The following WDR7 variants were observed in gnomAD, a reference collection of about 807,000 sequenced individuals.
WDR7 encodes WD repeat domain 7, also known as WD repeat-containing protein 7.
Under a neutral mutation model 169.4 loss-of-function variants are expected in WDR7, and 46 were observed. The observed-to-expected ratio is 0.27, with a 90% CI of 0.21 to 0.35. The LOEUF (loss-of-function observed/expected upper bound fraction) is 0.35, where lower values mean the gene tolerates loss of function less well. Among genes scored for constraint, WDR7 ranks in the 10% least tolerant of loss-of-function variants. The probability of loss-of-function intolerance (pLI) is 1.00; values close to 1 mark genes in which losing one functional copy is unlikely to be tolerated. For missense variants in WDR7, 1,534 were observed against 1,859.3 expected, an observed-to-expected ratio of 0.83 and a Z score of 3.22; for synonymous variants, 612 against 666.8, an observed-to-expected ratio of 0.92 and a Z score of 1.27.
At chr18:56,739,396 A>C (rs968304253) in intron 14 of WDR7, among the ~76,000 whole-genome samples, 9 of 152,118 alleles carry the variant, frequency 5.9e-5, no homozygotes, top group Non-Finnish European at 2.9e-5. Flanking sequence ...AGAACACTAC[A>C]ACTCCATTTG....
chr18:56,872,924 A>G (rs2045973185), intron 20 of WDR7: 1 of 152,192 alleles, frequency 6.6e-6, no homozygotes, highest in South Asian at 2.1e-4. Context: ...TTGTAGGAAA[A>G]CATTGCAACT....
At chr18:56,702,252 C>T (rs569883809) in intron 12 of WDR7, among the ~76,000 whole-genome samples, 1 of 152,272 alleles carries the variant, frequency 6.6e-6, no homozygotes, top group South Asian at 2.1e-4. Context: ...TTTTACCTTT[C>T]CCTGTTGCTT....
At chr18:56,796,069 A>G (rs1232337222) in intron 19 of WDR7, among the ~76,000 whole-genome samples, 2 of 152,242 alleles carry the variant, frequency 1.3e-5, no homozygotes, top group Non-Finnish European at 2.9e-5. Flanking sequence ...AGTACCATTT[A>G]GCTAATGCAC....
chr18:56,772,675 G>T (rs1056807328), intron 16 of WDR7, among the ~76,000 whole-genome samples: 1 of 151,334 alleles, frequency 6.6e-6, no homozygotes, highest in African/African-American at 2.4e-5. Flanking sequence ...ATGACTATTC[G>T]TATAGAGATA....
At chr18:56,861,367 T>G (rs2045802281) in intron 20 of WDR7, among the ~76,000 whole-genome samples, 1 of 152,206 alleles carries the variant, frequency 6.6e-6, no homozygotes, top group African/African-American at 2.4e-5. Flanking sequence ...TAGAGTGTGT[T>G]CTGTATTCAG....
At chr18:56,879,394 G>A (rs1252951714) in intron 20 of WDR7, among the ~76,000 whole-genome samples, 5 of 152,130 alleles carry the variant, frequency 3.3e-5, no homozygotes, top group Admixed American at 2.6e-4. Context: ...ATCTTTTCAT[G>A]TGCGTGTTGA....
Position 56,757,048 on chromosome 18 carries a change from G to A in WDR7, c.2455G>A (p.Val819Ile). The A allele has an allele frequency of 6.2e-7, 1 of 1,614,184 alleles. No individual in the cohort carries two copies. The stretch of plus-strand genomic sequence containing the variant: ...GGGTTTGAATGAAGTACTGGATGAA[G>A]TTTGCCTGGATCGCCTTGGAATGCT... ...AWGLNEVLDEVCLDRLGMLKP... is the reference protein window; with the variant it reads ...AWGLNEVLDEICLDRLGMLKP... The change falls in exon 15 of 28, where the codon GTT becomes ATT. Residue 819 changes from valine to isoleucine, a missense_variant. Transcript: ENST00000254442.
At chr18:56,818,224 A>C (rs1272302402) in intron 20 of WDR7, among the ~76,000 whole-genome samples, 1 of 152,244 alleles carries the variant, frequency 6.6e-6, no homozygotes, top group African/African-American at 2.4e-5. Flanking sequence ...AGAATAACTC[A>C]ATTTGCATTC....
downstream of WDR7, chr18:57,033,708 T>G (rs1599262631): frequency 7.9e-6 from 1 of 126,172 alleles, no homozygotes; most frequent in African/African-American, 2.8e-5. Flanking sequence ...CAAATCCCAC[T>G]GCAGAACCGA....
At chr18:56,996,357 G>T (rs926555343) in intron 26 of WDR7, among the ~76,000 whole-genome samples, 16 of 152,080 alleles carry the variant, frequency 1.1e-4, no homozygotes, top group Non-Finnish European at 2.9e-5. Flanking sequence ...AGAAATAAGG[G>T]ATTCATCTAA....
intron 19 of WDR7, among the ~76,000 whole-genome samples, chr18:56,811,314 A>G (rs979457675): frequency 1.3e-5 from 2 of 152,054 alleles, no homozygotes; most frequent in African/African-American, 4.8e-5. Flanking sequence ...TGGTAACTCT[A>G]TGTTTAACTT....
intron 20 of WDR7, among the ~76,000 whole-genome samples, chr18:56,842,180 C>T (rs897391845): frequency 6.6e-6 from 1 of 152,056 alleles, no homozygotes; most frequent in African/African-American, 2.4e-5. Context: ...AACTGAATAC[C>T]TGAGACTGGG....
At chr18:56,745,712 C>A (rs889298840) in intron 14 of WDR7, among the ~76,000 whole-genome samples, 1 of 152,106 alleles carries the variant, frequency 6.6e-6, no homozygotes, top group Admixed American at 6.5e-5. Context: ...GACCCTTGTT[C>A]TAGAAAATTA....
chr18:56,834,315 A>C (rs2045362281), intron 20 of WDR7, among the ~76,000 whole-genome samples: 1 of 152,150 alleles, frequency 6.6e-6, no homozygotes, highest in Non-Finnish European at 1.5e-5. Context: ...GGTTAGTAGT[A>C]AGTCACAGAT....
At chr18:56,705,726 C>T (rs145719191) in intron 12 of WDR7, among the ~76,000 whole-genome samples, 1 of 152,244 alleles carries the variant, frequency 6.6e-6, no homozygotes, top group Non-Finnish European at 1.5e-5. Flanking sequence ...TGGCCTGGCA[C>T]GATGGCTCAC....
chr18:56,795,131 A>G (rs1006545867), intron 19 of WDR7, among the ~76,000 whole-genome samples: 6 of 152,178 alleles, frequency 3.9e-5, no homozygotes, highest in Non-Finnish European at 8.8e-5. Flanking sequence ...ATTGAAACGT[A>G]TTTAGGTTTT....
chr18:56,807,575 T>C (rs2044797472), intron 19 of WDR7, among the ~76,000 whole-genome samples: 1 of 152,162 alleles, frequency 6.6e-6, no homozygotes, highest in African/African-American at 2.4e-5. Flanking sequence ...TACAGTACAC[T>C]TCCTGTTTTC....
chr18:56,829,973 G>A (rs2045280641), intron 20 of WDR7, among the ~76,000 whole-genome samples: 1 of 152,170 alleles, frequency 6.6e-6, no homozygotes, highest in Non-Finnish European at 1.5e-5. Flanking sequence ...GTTTTCTAAA[G>A]TCAAATGTCC....
intron 16 of WDR7, among the ~76,000 whole-genome samples, chr18:56,771,532 G>T (rs1177540688): frequency 6.6e-6 from 1 of 150,966 alleles, no homozygotes; most frequent in African/African-American, 2.4e-5. Flanking sequence ...GACCAGCCTG[G>T]GTGACATGGC....
Sources: allele counts gnomAD v4.1 joint callset (sites outside exome capture counted in the v4.1 genomes callset), GRCh38; gene constraint gnomAD v4.1.1; transcripts MANE v1.5; gene names NCBI Gene and HGNC (gene_info 2026-07-23, HGNC 2026-07-21).